The following APOBEC3B variants were observed in gnomAD, a reference collection of about 807,000 sequenced individuals.
APOBEC3B encodes apolipoprotein B mRNA editing enzyme catalytic subunit 3B.
In APOBEC3B, 29 loss-of-function variants were observed where a neutral mutation model predicts 53.4. The ratio of observed to expected loss-of-function variants is 0.54; its 90% CI spans 0.40 to 0.74. APOBEC3B has a LOEUF of 0.74. APOBEC3B is among the 30% of genes least tolerant of loss of function. The pLI is 0.00. For synonymous variants in APOBEC3B, 132 were observed against 184.8 expected (o/e 0.71, Z 2.32); for missense variants, 347 against 496.2 (o/e 0.70, Z 2.86).
intron 4 of APOBEC3B, among the ~76,000 whole-genome samples, chr22:38,987,600 A>G (rs914660490): frequency 7.4e-5 from 11 of 148,450 alleles, no homozygotes; most frequent in African/African-American, 2.7e-4. Flanking sequence ...ACTTTGTTTC[A>G]ACACAAAGTC....
Position 38,991,467 on chromosome 22 carries a change from T to C in APOBEC3B, c.859T>C (p.Trp287Arg), listed in dbSNP as rs772876371. 6.3e-7 allele frequency: 1 copy of C among 1,593,152 alleles called. No individual in the cohort carries two copies. The highest frequency in any genetic ancestry group is 1.1e-5 in the South Asian group (1 of 88,750). ...CATCTCCTGGAGCCCCTGCTTCTCC[T>C]GGGGCTGTGCCGGGGAAGTGCGTGC... ...WFISWSPCFS[W>R]GCAGEVRAFL... The change falls in exon 6 of 8, where the codon TGG (tryptophan) becomes CGG (arginine). Residue 287 changes from tryptophan (W) to arginine (R), a missense_variant. Around this residue, in one of 5 missense-constraint regions of APOBEC3B, gnomAD observed 20 missense variants for 83.9 expected, o/e 0.24. Transcript: ENST00000333467.
At position 38,987,707 on chromosome 22, in the gene APOBEC3B, G is replaced by A. The variant is rs56283340; in HGVS notation, c.569+1295G>A. ...GCTGTGAGCAGAGGAGGATGCACACGACCCCAGACACAGGCTCCTCCTCCG... is the reference window on the plus strand; with the variant it reads ...GCTGTGAGCAGAGGAGGATGCACACAACCCCAGACACAGGCTCCTCCTCCG... On this transcript the variant is annotated intron_variant, in intron 4 of 7. Coordinates refer to ENST00000333467, the MANE Select transcript of APOBEC3B (RefSeq NM_004900.5). Among the ~76,000 whole-genome samples, 10 of 148,432 alleles carry A rather than the reference G, an allele frequency of 6.7e-5. 1 individual carries two copies. Among genetic ancestry groups the A allele is most frequent in the African/African-American group, 1.7e-4 (7 of 40,768 alleles).
chr22:38,992,027 T>C lies in APOBEC3B; in HGVS notation c.1019-7T>C. 6.4e-7 allele frequency: 1 copy of C among 1,574,044 alleles called. No individual in the cohort carries two copies. Among genetic ancestry groups the C allele is most frequent in the Non-Finnish European group, 8.6e-7 (1 of 1,161,970 alleles). The stretch of plus-strand genomic sequence containing the variant: ...GAGCGTGACTTATCTCCCCTGTCCC[T>C]TTTCAGAGTTTGAGTACTGCTGGGA... On this transcript the variant is annotated splice_polypyrimidine_tract_variant and splice_region_variant and intron_variant, in intron 6 of 7. Coordinates refer to ENST00000333467, the MANE Select transcript of APOBEC3B (RefSeq NM_004900.5).
In APOBEC3B at chr22:38,983,107, G is replaced by A. The variant is rs59415908; in HGVS notation, c.17+637G>A. ...GCCAAGGCGGGCGGATCATGAGGTC[G>A]GGAGTTTGAGACCAACCTGGCCCAT... On this transcript the variant is annotated intron_variant, in intron 1 of 7. Coordinates refer to ENST00000333467, the MANE Select transcript of APOBEC3B (RefSeq NM_004900.5). Among the ~76,000 whole-genome samples, 766 of 147,876 alleles carry A rather than the reference G, an allele frequency of 5.2e-3. 42 individuals carry two copies. The highest frequency in any genetic ancestry group is 0.018 in the African/African-American group (729 of 40,740).
intron 1 of APOBEC3B, 128 bp downstream of exon 1, chr22:38,982,598 G>A: frequency 8.8e-7 from 1 of 1,134,784 alleles, no homozygotes; most frequent in Non-Finnish European, 1.3e-6. Context: ...TGGCTCCCCT[G>A]CCACACGAAT....
In APOBEC3B at chr22:38,985,470, T is replaced by A. The variant is rs116869352; in HGVS notation, c.175-342T>A. On this transcript the variant is annotated intron_variant, in intron 2 of 7. Transcript: ENST00000333467. ...CACGGGGACAAGAGGAAGCAGGAGT[T>A]TAGTCTGACACACTGCCCTTCCAGA... Among the ~76,000 whole-genome samples the A allele has an allele frequency of 6.2e-3, 922 of 147,872 alleles. 66 individuals carry two copies. The highest frequency in any genetic ancestry group is 0.01 in the Non-Finnish European group (673 of 67,126).
In APOBEC3B at chr22:38,992,600, T is replaced by A. The variant is rs1924057888; in HGVS notation, c.*155T>A. 2.1e-5 allele frequency: 32 copies of A among 1,539,260 alleles called. No homozygotes were observed. Among genetic ancestry groups the A allele is most frequent in the Non-Finnish European group, 2.6e-5 (30 of 1,140,502 alleles). On this transcript the variant is annotated 3_prime_UTR_variant, in exon 8 of 8. Transcript: ENST00000333467. ...TGTGCTCCTGATCAAGTAGATTTTTTAAAAATCAGAGTCAATTAATTTTAA... is the reference window on the plus strand; with the variant it reads ...TGTGCTCCTGATCAAGTAGATTTTTAAAAAATCAGAGTCAATTAATTTTAA...
At position 38,989,617 on chromosome 22, in the gene APOBEC3B, G is replaced by A. The variant is rs187233443; in HGVS notation, c.723+7G>A. 228 of 1,558,708 alleles carry A rather than the reference G, an allele frequency of 1.5e-4. 13 individuals are homozygous for A. In the African/African-American group the frequency reaches 2.8e-3, roughly 19 times the overall value. On this transcript the variant is annotated splice_region_variant and intron_variant, in intron 5 of 7. Transcript: ENST00000333467. ...GGGCTTTCTATGCAACGAGGTGACC[G>A]ACCCAGCCACCTGCATCCAGGCAGG...
chr22:38,982,562 GC>G, intron 1 of APOBEC3B, 92 bp downstream of exon 1: 2 of 1,437,482 alleles, frequency 1.4e-6, no homozygotes, highest in Non-Finnish European at 1.9e-6. Context: ...CCCCGCCCCT[GC>G]CCCAGCCCTG....
intron 1 of APOBEC3B, among the ~76,000 whole-genome samples, chr22:38,983,464 A>G (rs1401168392): frequency 2.0e-5 from 3 of 149,042 alleles, no homozygotes; most frequent in Non-Finnish European, 4.5e-5. Context: ...TCCGTGATGC[A>G]GAGGCTGGAC....
At position 38,990,738 on chromosome 22, in the gene APOBEC3B, G is replaced by A. The variant is rs949084658; in HGVS notation, c.724-594G>A. On this transcript the variant is annotated intron_variant, in intron 5 of 7. Coordinates refer to ENST00000333467, the MANE Select transcript of APOBEC3B (RefSeq NM_004900.5). ...TGGGCCACAGATGGGATGGGAGTAG[G>A]GGAGTTGATGAGTAGAGCAGGTCAA... Among the ~76,000 whole-genome samples, 28 of 146,602 alleles carry A rather than the reference G, an allele frequency of 1.9e-4. 1 individual carries two copies. Among genetic ancestry groups the A allele is most frequent in the Middle Eastern group, 3.5e-3 (1 of 288 alleles).
chr22:38,985,735 C>A (rs1923705038), intron 2 of APOBEC3B, 77 bp from the exon 3 acceptor site: 4 of 1,292,584 alleles, frequency 3.1e-6, no homozygotes, highest in Non-Finnish European at 4.2e-6. Context: ...GTCCTGGCCC[C>A]TCCTCTCCCT....
At chr22:38,988,677 C>CTCTTTCTCTCTTTCTCTCTT (rs1923838491) in intron 4 of APOBEC3B, among the ~76,000 whole-genome samples, 1 of 6,558 alleles carries the variant, frequency 1.5e-4, no homozygotes, top group Non-Finnish European at 2.6e-4. Context: ...CTCTCTTTCT[C>CTCTTTCTCTCTTTCTCTCTT]TCTTTCTCTT....
intron 1 of APOBEC3B, among the ~76,000 whole-genome samples, chr22:38,983,398 G>A (rs1461874922): frequency 6.7e-6 from 1 of 148,708 alleles, no homozygotes; most frequent in Non-Finnish European, 1.5e-5. Flanking sequence ...GAAATGCTCT[G>A]ATTTTAAAAT....
intron 5 of APOBEC3B, among the ~76,000 whole-genome samples, chr22:38,990,254 A>C (rs1447218210): frequency 6.8e-6 from 1 of 147,994 alleles, no homozygotes; most frequent in African/African-American, 2.5e-5. Context: ...CTATGAGCTC[A>C]ATGTGGGCCT....
At position 38,984,081 on chromosome 22, in the gene APOBEC3B, G is replaced by A. The variant is rs139242988; in HGVS notation, c.24G>A (p.Pro8=). 21 of 1,575,616 alleles carry A rather than the reference G, an allele frequency of 1.3e-5. 4 individuals carry two copies. The highest frequency in any genetic ancestry group is 2.2e-4 in the Middle Eastern group (1 of 4,554). Reference sequence around the variant, plus strand: ...TTCTCTCTTGTGCCTTCAGAAATCCGATGGAGCGGATGTATCGAGACACAT... The same window carrying A: ...TTCTCTCTTGTGCCTTCAGAAATCCAATGGAGCGGATGTATCGAGACACAT... MNPQIRN[P]MERMYRDTFY... The change falls in exon 2 of 8, where the codon CCG becomes CCA. Residue 8 remains proline, a synonymous_variant. Coordinates refer to ENST00000333467, the MANE Select transcript of APOBEC3B (RefSeq NM_004900.5).
In APOBEC3B at chr22:38,992,547, C is replaced by T. The variant is rs1331727311; in HGVS notation, c.*102C>T. The T allele has an allele frequency of 6.2e-7, 1 of 1,606,640 alleles. No homozygotes were observed. Among genetic ancestry groups the T allele is most frequent in the East Asian group, 2.2e-5 (1 of 44,734 alleles). On this transcript the variant is annotated 3_prime_UTR_variant, in exon 8 of 8. Transcript: ENST00000333467. ...CAAACAGACCGTTCACCACCATCTC[C>T]AGCTGCTCACAGACACCAGCAAAGC...
In APOBEC3B at chr22:38,992,744, A is replaced by G; in HGVS notation, c.*299A>G. 1.4e-6 allele frequency: 1 copy of G among 734,544 alleles called. No homozygotes were observed. The highest frequency in any genetic ancestry group is 2.1e-6 in the Non-Finnish European group (1 of 465,842). 45.5% of individuals were successfully genotyped at this position (734,544 alleles called of 1,614,324 possible). A position where few individuals can be genotyped will look rare whatever the true frequency, so the allele number is the denominator to read the frequency against. On this transcript the variant is annotated 3_prime_UTR_variant, in exon 8 of 8. Coordinates refer to ENST00000333467, the MANE Select transcript of APOBEC3B (RefSeq NM_004900.5). Reference sequence around the variant, plus strand: ...GGCTCCATATTTAGACTAATAAAACATTAAGAATCTTCCATAATTGTTTCC... The same window carrying G: ...GGCTCCATATTTAGACTAATAAAACGTTAAGAATCTTCCATAATTGTTTCC...
In APOBEC3B at chr22:38,989,584, C is replaced by T; in HGVS notation, c.697C>T (p.Gln233Ter). Residue 233 changes from glutamine (Q) to a stop codon, truncating the protein, a stop_gained, in exon 5 of 8, where the codon CAG becomes TAG. Transcript: ENST00000333467. LOFTEE classifies it high-confidence loss of function. ...LDNGTWVLMDQHMGFLCNEAK... is the reference protein window; with the variant it reads ...LDNGTWVLMD Reference sequence around the variant, plus strand: ...CAATGGCACCTGGGTCCTGATGGACCAGCACATGGGCTTTCTATGCAACGA... The same window carrying T: ...CAATGGCACCTGGGTCCTGATGGACTAGCACATGGGCTTTCTATGCAACGA... The T allele has an allele frequency of 1.3e-6, 2 of 1,585,344 alleles. No homozygotes were observed. The highest frequency in any genetic ancestry group is 1.7e-6 in the Non-Finnish European group (2 of 1,167,256).
Sources: allele counts gnomAD v4.1 joint callset (sites outside exome capture counted in the v4.1 genomes callset), GRCh38; gene constraint gnomAD v4.1.1; regional missense constraint gnomAD v4.1.1; transcripts MANE v1.5; gene names NCBI Gene and HGNC (gene_info 2026-07-23, HGNC 2026-07-21).